CMSS1: variants seen among roughly 807,000 people sequenced by gnomAD.
CMSS1 encodes the protein protein CMSS1.
In CMSS1, 33 loss-of-function variants were observed where a neutral mutation model predicts 43.5. The observed-to-expected ratio is 0.76, with a 90% CI of 0.57 to 1.01. CMSS1 has a LOEUF of 1.01. Ranked by LOEUF, CMSS1 falls within the 50% of genes least tolerant of loss-of-function variation. The pLI, the probability that CMSS1 is intolerant of heterozygous loss-of-function variation, is 0.00. For missense variants in CMSS1, 313 were observed against 326.4 expected, an observed-to-expected ratio of 0.96 and a Z score of 0.32; for synonymous variants, 115 against 117.2, an observed-to-expected ratio of 0.98 and a Z score of 0.12.
chr3:99,984,738 G>T (rs1222560792), intron 1 of CMSS1, among the ~76,000 whole-genome samples: 1 of 152,162 alleles, frequency 6.6e-6, no homozygotes, highest in Admixed American at 6.6e-5. Context: ...AGAATAGAAA[G>T]ATCTATGTTT....
intron 1 of CMSS1, among the ~76,000 whole-genome samples, chr3:99,941,236 C>T (rs554430307): frequency 7.2e-5 from 11 of 151,758 alleles, no homozygotes; most frequent in African/African-American, 2.7e-4. Flanking sequence ...CTTCAATCTA[C>T]TGATGAAAAA....
At chr3:100,136,054 G>T (rs2066750437) in intron 1 of CMSS1, among the ~76,000 whole-genome samples, 1 of 152,116 alleles carries the variant, frequency 6.6e-6, no homozygotes, top group Non-Finnish European at 1.5e-5. Context: ...ATGGCAAAAT[G>T]AAAGGAGAAA....
intron 1 of CMSS1, among the ~76,000 whole-genome samples, chr3:99,911,315 A>T (rs768996613): frequency 3.4e-5 from 5 of 148,340 alleles, no homozygotes; most frequent in Non-Finnish European, 7.4e-5. Flanking sequence ...TTGTTATTAT[A>T]TATTATATAA....
intron 1 of CMSS1, among the ~76,000 whole-genome samples, chr3:100,081,763 C>A (rs139020718): frequency 3.0e-4 from 45 of 152,180 alleles, no homozygotes; most frequent in Non-Finnish European, 5.1e-4. Flanking sequence ...TTATCAATGT[C>A]TTTTCTTAGT....
At position 99,904,137 on chromosome 3, in the gene CMSS1, G is replaced by A. The variant is rs973330271; in HGVS notation, c.64+86094G>A. Among the ~76,000 whole-genome samples the A allele has an allele frequency of 1.3e-5, 2 of 152,338 alleles. 1 individual carries two copies. The highest frequency in any genetic ancestry group is 1.3e-4 in the Admixed American group (2 of 15,310). ...CAAGCACTTTACATTTCTGGCAATA[G>A]TGAGTGTGATGAATGTTTTTGTTAT... is the stretch of plus-strand genomic sequence containing the variant. On this transcript the variant is annotated intron_variant, in intron 1 of 9. Transcript: ENST00000421999.
At chr3:100,068,874 C>T in intron 1 of CMSS1, among the ~76,000 whole-genome samples, 1 of 152,168 alleles carries the variant, frequency 6.6e-6, no homozygotes, top group East Asian at 1.9e-4. Flanking sequence ...TTTGTGATTT[C>T]AGAGGTTATT....
intron 1 of CMSS1, among the ~76,000 whole-genome samples, chr3:100,075,269 A>T (rs1351409828): frequency 6.6e-6 from 1 of 152,204 alleles, no homozygotes; most frequent in Non-Finnish European, 1.5e-5. Flanking sequence ...TGGACTTCTA[A>T]TGACACAAGA....
chr3:100,054,620 G>C (rs1036210325), intron 1 of CMSS1, among the ~76,000 whole-genome samples: 1 of 152,082 alleles, frequency 6.6e-6, no homozygotes, highest in South Asian at 2.1e-4. Context: ...GGAATACAAC[G>C]TGAATAATCT....
chr3:100,117,878 T>TATATATACACATATATATATATATAC (rs1357671856), intron 1 of CMSS1, among the ~76,000 whole-genome samples: 1 of 129,084 alleles, frequency 7.7e-6, no homozygotes, highest in Non-Finnish European at 1.6e-5. Flanking sequence ...TATATATATA[T>TATATATACACATATATATATATATAC]ACACATACAA....
chr3:100,111,649 C>T (rs1254630013), intron 1 of CMSS1, among the ~76,000 whole-genome samples: 1 of 152,148 alleles, frequency 6.6e-6, no homozygotes, highest in African/African-American at 2.4e-5. Flanking sequence ...AAATCTTGAA[C>T]TACTGTCAGA....
intron 1 of CMSS1, among the ~76,000 whole-genome samples, chr3:99,824,686 C>G (rs868177392): frequency 7.9e-5 from 12 of 152,240 alleles, no homozygotes; most frequent in African/African-American, 2.9e-4. Flanking sequence ...CCGCTTTTCT[C>G]TTTTCAAAAT....
intron 1 of CMSS1, among the ~76,000 whole-genome samples, chr3:99,945,514 A>C: frequency 6.6e-6 from 1 of 152,242 alleles, no homozygotes; most frequent in Non-Finnish European, 1.5e-5. Flanking sequence ...TAAGTAAATA[A>C]ATGGATGTCA....
At chr3:99,992,105 T>G (rs1340526876) in intron 1 of CMSS1, among the ~76,000 whole-genome samples, 2 of 151,834 alleles carry the variant, frequency 1.3e-5, no homozygotes, top group Non-Finnish European at 2.9e-5. Context: ...ATCTTTGCTA[T>G]TGTGCATTGT....
chr3:100,091,201 C>G (rs1174268001), intron 1 of CMSS1, among the ~76,000 whole-genome samples: 1 of 150,148 alleles, frequency 6.7e-6, no homozygotes, highest in African/African-American at 2.5e-5. Context: ...AGGAGAATGG[C>G]GTGAACCTGG....
At chr3:100,152,007 AG>A (rs772981517) in intron 2 of CMSS1, among the ~76,000 whole-genome samples, 8 of 152,202 alleles carry the variant, frequency 5.3e-5, no homozygotes, top group Non-Finnish European at 1.0e-4. Flanking sequence ...GGACAAGTGT[AG>A]TATAACCTTT....
At chr3:99,880,056 T>G (rs1380673026) in intron 1 of CMSS1, among the ~76,000 whole-genome samples, 2 of 152,284 alleles carry the variant, frequency 1.3e-5, no homozygotes, top group African/African-American at 4.8e-5. Context: ...ATGGATCCGA[T>G]CCTGTGCTTC....
chr3:99,924,466 A>G lies in CMSS1; in HGVS notation c.64+106423A>G, dbSNP rs533426595. The G allele has an allele frequency of 7.2e-5, 108 of 1,498,810 alleles. No homozygotes were observed. The African/African-American group carries it at 1.3e-3, about 19-fold the overall frequency. 92.8% of individuals were successfully genotyped at this position (1,498,810 alleles called of 1,614,324 possible). On this transcript the variant is annotated intron_variant, in intron 1 of 9. Coordinates refer to ENST00000421999, the MANE Select transcript of CMSS1 (RefSeq NM_032359.4). ...AATTGTTTATATACTGTTGTCTTTC[A>G]CTCTTTTAGAAATGTCCCTGTTTTG...
At chr3:100,057,256 G>C (rs1048342728) in intron 1 of CMSS1, among the ~76,000 whole-genome samples, 1 of 152,178 alleles carries the variant, frequency 6.6e-6, no homozygotes, top group Non-Finnish European at 1.5e-5. Flanking sequence ...TATTCTCCAA[G>C]AGTCTAATCT....
At chr3:99,943,590 G>A (rs1037418247) in intron 1 of CMSS1, among the ~76,000 whole-genome samples, 13 of 152,070 alleles carry the variant, frequency 8.5e-5, no homozygotes, top group Non-Finnish European at 7.4e-5. Context: ...TGTAGTCCCA[G>A]CTACTCGGGA....
Sources: gnomAD v4.1 joint callset for allele counts (sites outside exome capture counted in the v4.1 genomes callset) on GRCh38, gnomAD v4.1.1 for gene constraint, MANE v1.5 for transcripts, NCBI Gene and HGNC (gene_info 2026-07-23, HGNC 2026-07-21) for gene names.